LRBA: variants seen among roughly 807,000 people sequenced by gnomAD.
The protein encoded by LRBA is LPS responsive beige-like anchor protein.
LRBA carries 176 observed loss-of-function variants against 330.0 expected under a neutral mutation model. The ratio of observed to expected loss-of-function variants is 0.53; its 90% CI spans 0.47 to 0.60. The LOEUF is 0.60. Ranked by LOEUF, LRBA falls within the 20% of genes least tolerant of loss-of-function variation. The pLI, the probability that LRBA is intolerant of heterozygous loss-of-function variation, is 0.00. For missense variants in LRBA, 3,259 were observed against 3,444.8 expected (o/e 0.95, Z 1.35); for synonymous variants, 1,230 against 1,193.0 (o/e 1.03, Z -0.64).
At chr4:150,893,332 A>T (rs1177571114) in intron 16 of LRBA, among the ~76,000 whole-genome samples, 183 bp from the exon 17 acceptor site, 1 of 152,160 alleles carries the variant, frequency 6.6e-6, no homozygotes, top group East Asian at 1.9e-4. Flanking sequence ...CTCCAAATAT[A>T]CATAAAATAG....
chr4:150,410,125 G>A (rs891137800), intron 47 of LRBA, among the ~76,000 whole-genome samples: 1 of 152,008 alleles, frequency 6.6e-6, no homozygotes, highest in Non-Finnish European at 1.5e-5. Flanking sequence ...CTGGTCAGTG[G>A]TCTTAAGAAT....
intron 42 of LRBA, among the ~76,000 whole-genome samples, chr4:150,482,447 C>A (rs1356034192): frequency 6.6e-6 from 1 of 152,028 alleles, no homozygotes; most frequent in Non-Finnish European, 1.5e-5. Flanking sequence ...CAGTTGATAA[C>A]CATCTTGGTT....
intron 44 of LRBA, among the ~76,000 whole-genome samples, chr4:150,459,949 T>G (rs1425198064): frequency 6.6e-6 from 1 of 151,922 alleles, no homozygotes; most frequent in Admixed American, 6.6e-5. Context: ...TGTGTTTCTT[T>G]TGGTAAGCTT....
At chr4:150,282,419 G>C in intron 55 of LRBA, 31 bp downstream of exon 55, 1 of 1,590,104 alleles carries the variant, frequency 6.3e-7, no homozygotes, top group Non-Finnish European at 8.6e-7. Flanking sequence ...GGTAAAAGTC[G>C]TGAATGCTGA....
intron 46 of LRBA, among the ~76,000 whole-genome samples, chr4:150,422,045 T>C (rs1748873110): frequency 6.6e-6 from 1 of 152,130 alleles, no homozygotes; most frequent in South Asian, 2.1e-4. Context: ...ACTGATTGAG[T>C]GCAGGAGTTC....
At chr4:150,552,994 G>A (rs555877968) in intron 40 of LRBA, among the ~76,000 whole-genome samples, 15 of 151,828 alleles carry the variant, frequency 9.9e-5, no homozygotes, top group Non-Finnish European at 1.5e-4. Flanking sequence ...GCATGAACCC[G>A]GGAAACGGAG....
chr4:150,766,157 T>A (rs1038607713), intron 34 of LRBA, among the ~76,000 whole-genome samples: 1 of 152,034 alleles, frequency 6.6e-6, no homozygotes, highest in Non-Finnish European at 1.5e-5. Context: ...TAACCTGAAA[T>A]AAAATGTTCT....
At chr4:150,386,934 T>C (rs1267942913) in intron 47 of LRBA, among the ~76,000 whole-genome samples, 1 of 152,160 alleles carries the variant, frequency 6.6e-6, no homozygotes, top group Non-Finnish European at 1.5e-5. Flanking sequence ...TCTGTTGCTT[T>C]TTGACTTTTT....
Position 150,927,600 on chromosome 4 carries a change from C to T in LRBA, c.549+916G>A, listed in dbSNP as rs1434353309. ...TCTGTAATTGGAGTCCCAGAAAAGA[C>T]AGGAAGCGGGGACAAGAAGACAGTA... On this transcript the variant is annotated intron_variant, in intron 4 of 56. Transcript: ENST00000651943. Among the ~76,000 whole-genome samples the T allele has an allele frequency of 2.0e-5, 3 of 151,974 alleles. No individual in the cohort carries two copies. The East Asian group carries it at 5.8e-4, about 29-fold the overall frequency.
chr4:150,347,377 G>A (rs1736521666), intron 48 of LRBA, among the ~76,000 whole-genome samples: 3 of 152,214 alleles, frequency 2.0e-5, no homozygotes. Flanking sequence ...CAGGGGCAGT[G>A]GCTCAGGTCT....
At chr4:150,803,637 A>G (rs533610248) in intron 33 of LRBA, among the ~76,000 whole-genome samples, 4 of 152,274 alleles carry the variant, frequency 2.6e-5, no homozygotes, top group South Asian at 4.1e-4. Context: ...ACTATGGCAC[A>G]ATCACCTCTT....
At chr4:150,406,784 G>A (rs1420110852) in intron 47 of LRBA, among the ~76,000 whole-genome samples, 1 of 151,960 alleles carries the variant, frequency 6.6e-6, no homozygotes, top group Non-Finnish European at 1.5e-5. Flanking sequence ...ATTAAATTGA[G>A]GAATTTTTTT....
intron 46 of LRBA, chr4:150,423,272 C>T: frequency 1.1e-6 from 1 of 928,042 alleles, no homozygotes; most frequent in East Asian, 2.4e-5. Context: ...CCAGCATCTC[C>T]TGTAGGGGTG....
Position 150,737,355 on chromosome 4 carries a change from G to T in LRBA, c.5646-1989C>A, listed in dbSNP as rs1731313904. ...GGTGCCTATAATCCCAGATACTAGG[G>T]AGGCTGAGGTGGAAGAATGGCTTGA... On this transcript the variant is annotated intron_variant, in intron 35 of 56. Coordinates refer to ENST00000651943, the MANE Select transcript of LRBA (RefSeq NM_001364905.1). 3.3e-5 allele frequency among the ~76,000 whole-genome samples: 5 copies of T among 152,116 alleles called. No individual in the cohort carries two copies. In the South Asian group the frequency reaches 1.0e-3, roughly 32 times the overall value.
intron 26 of LRBA, among the ~76,000 whole-genome samples, chr4:150,847,589 T>C (rs916416866): frequency 6.6e-6 from 1 of 152,232 alleles, no homozygotes; most frequent in African/African-American, 2.4e-5. Flanking sequence ...GCTTTATCTC[T>C]TCATATGACC....
intron 16 of LRBA, among the ~76,000 whole-genome samples, chr4:150,894,203 C>A (rs947993708): frequency 3.3e-5 from 5 of 151,950 alleles, no homozygotes; most frequent in Non-Finnish European, 7.4e-5. Context: ...AGTGGTAGGG[C>A]TAAGATATTA....
chr4:150,793,809 C>A (rs185594176), intron 34 of LRBA, among the ~76,000 whole-genome samples: 6 of 152,104 alleles, frequency 3.9e-5, no homozygotes, highest in African/African-American at 1.4e-4. Flanking sequence ...AGCTAGCTAA[C>A]TGATTCATTT....
intron 35 of LRBA, among the ~76,000 whole-genome samples, chr4:150,742,277 C>T (rs937837723): frequency 2.6e-5 from 4 of 151,604 alleles, no homozygotes; most frequent in African/African-American, 9.7e-5. Context: ...TGCTGAGTAG[C>T]TGGGACTATA....
At chr4:150,453,011 GC>G (rs1561199293) in intron 44 of LRBA, among the ~76,000 whole-genome samples, 2 of 152,160 alleles carry the variant, frequency 1.3e-5, no homozygotes, top group Admixed American at 6.6e-5. Flanking sequence ...AGAATTGTAT[GC>G]TAAAAGCTAT....
Sources: gnomAD v4.1 joint callset for allele counts (sites outside exome capture counted in the v4.1 genomes callset) on GRCh38, gnomAD v4.1.1 for gene constraint, MANE v1.5 for transcripts, NCBI Gene and HGNC (gene_info 2026-07-23, HGNC 2026-07-21) for gene names.